The following AFF1 variants were observed in gnomAD, a reference collection of about 807,000 sequenced individuals.
AFF1 encodes ALF transcription elongation factor 1, also known as AF4/FMR2 family member 1.
AFF1 carries 48 observed loss-of-function variants against 121.7 expected under a neutral mutation model. The ratio of observed to expected loss-of-function variants is 0.39; its 90% CI spans 0.31 to 0.50. The LOEUF is 0.50. Ranked by LOEUF, AFF1 falls within the 20% of genes least tolerant of loss-of-function variation. The pLI is 0.76. For synonymous variants in AFF1, 613 were observed against 563.0 expected, an observed-to-expected ratio of 1.09 and a Z score of -1.26; for missense variants, 1,523 against 1,511.7, an observed-to-expected ratio of 1.01 and a Z score of -0.12.
Position 87,069,853 on chromosome 4 carries a change from C to G in AFF1, c.1060-14267C>G, listed in dbSNP as rs1425392224. 2.3e-4 allele frequency among the ~76,000 whole-genome samples: 31 copies of G among 136,606 alleles called. No homozygotes were observed. The Admixed American group carries it at 2.5e-3, about 11-fold the overall frequency. The allele number at this position is 136,606 out of a possible 152,430, so 89.6% of individuals were successfully genotyped here. Reference sequence around the variant, plus strand: ...TTTTTTTTTGAGACGGAGTCTCACTCTGTTGCCCAGGCTGGAGTATAGTGT... The same window carrying G: ...TTTTTTTTTGAGACGGAGTCTCACTGTGTTGCCCAGGCTGGAGTATAGTGT... On this transcript the variant is annotated intron_variant, in intron 4 of 20. Coordinates refer to ENST00000395146, the MANE Select transcript of AFF1 (RefSeq NM_001166693.3).
At chr4:87,035,079 C>T (rs1420730618) in intron 2 of AFF1, among the ~76,000 whole-genome samples, 1 of 152,058 alleles carries the variant, frequency 6.6e-6, no homozygotes, top group Non-Finnish European at 1.5e-5. Flanking sequence ...GCCTAGGTAT[C>T]CCAGAAATGG....
chr4:87,127,652 A>T lies in AFF1; in HGVS notation c.2913A>T (p.Ala971=), dbSNP rs373054568. ...TTTTCCTCTTTTTCAGACAACAAGC[A>T]GACCTTCACATGAGGGAGGCAAAAA... ...KPQVKFDKQQ[A]DLHMREAKKM... Residue 971 remains alanine, a synonymous_variant, in exon 16 of 21, where the codon GCA becomes GCT. Coordinates refer to ENST00000395146, the MANE Select transcript of AFF1 (RefSeq NM_001166693.3). 4.3e-5 allele frequency: 69 copies of T among 1,614,098 alleles called. No homozygotes were observed. The highest frequency in any genetic ancestry group is 5.6e-5 in the Non-Finnish European group (66 of 1,180,052).
intron 2 of AFF1, among the ~76,000 whole-genome samples, chr4:87,028,557 T>C (rs1046073352): frequency 3.9e-5 from 6 of 152,142 alleles, no homozygotes; most frequent in African/African-American, 1.4e-4. Context: ...TTGTGTGTGC[T>C]TGATAATACC....
rs1468227677 is a variant in AFF1 at position 87,140,858 on chromosome 4, T to A, written c.*5157T>A. ...CTGTGAGAGAATTATAGTTTTTTTT[T>A]AGAAGAAAAATCTGCAAAAGATCTT... On this transcript the variant is annotated 3_prime_UTR_variant, in exon 21 of 21. Transcript: ENST00000395146. 2 of 186,486 alleles carry A rather than the reference T, an allele frequency of 1.1e-5. No individual in the cohort carries two copies. The highest frequency in any genetic ancestry group is 6.2e-5 in the Admixed American group (1 of 16,104). The allele number at this position is 186,486 out of a possible 1,614,324, so 11.6% of individuals were successfully genotyped here.
intron 8 of AFF1, among the ~76,000 whole-genome samples, chr4:87,102,826 T>C (rs867905802): frequency 1.1e-4 from 16 of 152,228 alleles, no homozygotes; most frequent in African/African-American, 3.6e-4. Flanking sequence ...TCTCTTGTCA[T>C]GGGGACAGAG....
rs759628346 is a variant in AFF1 at position 87,131,219 on chromosome 4, A to T, written c.3101A>T (p.Lys1034Ile). 1 of 1,613,992 alleles carries T rather than the reference A, an allele frequency of 6.2e-7. No homozygotes were observed. ...TACTCAGAAACTGTAGATCTCATTA[A>T]GTAAGTGCCGAGTCATTGTGCTTTC... Reference protein sequence around the residue: ...SVYSETVDLIKFIMSLKSFSD... With the variant: ...SVYSETVDLIIFIMSLKSFSD... The change falls in exon 17 of 21, where the codon AAA (lysine) becomes ATA (isoleucine). Residue 1034 changes from lysine to isoleucine, a missense_variant and splice_region_variant. Physicochemically the swap from Lys to Ile is moderately radical, Grantham distance 102. Transcript: ENST00000395146.
chr4:87,073,134 G>A (rs1372222408), intron 4 of AFF1, among the ~76,000 whole-genome samples: 1 of 151,604 alleles, frequency 6.6e-6, no homozygotes. Context: ...CCTTAAATTA[G>A]GCACTTTTTG....
chr4:86,984,040 AAAAAAG>A (rs1282673360), intron 2 of AFF1, among the ~76,000 whole-genome samples: 1 of 152,214 alleles, frequency 6.6e-6, no homozygotes, highest in Non-Finnish European at 1.5e-5. Flanking sequence ...CCATCTCAAA[AAAAAAG>A]AAAAAGAAAA....
intron 2 of AFF1, among the ~76,000 whole-genome samples, chr4:87,032,104 T>G (rs1729138355): frequency 6.6e-6 from 1 of 152,088 alleles, no homozygotes; most frequent in Non-Finnish European, 1.5e-5. Flanking sequence ...TTAGCAGAGG[T>G]CAAATGAAGG....
At chr4:86,940,629 A>T (rs937893521) in intron 1 of AFF1, among the ~76,000 whole-genome samples, 6 of 151,998 alleles carry the variant, frequency 3.9e-5, no homozygotes, top group Non-Finnish European at 8.8e-5. Flanking sequence ...TGAACTCCTG[A>T]CCTCAGATGA....
chr4:87,062,829 A>T (rs1370423389), intron 4 of AFF1, among the ~76,000 whole-genome samples: 1 of 152,128 alleles, frequency 6.6e-6, no homozygotes, highest in East Asian at 1.9e-4. Flanking sequence ...TATTCATTGG[A>T]TGGTAAAGAC....
chr4:87,038,461 A>G (rs892909728), intron 2 of AFF1, among the ~76,000 whole-genome samples: 103 of 152,316 alleles, frequency 6.8e-4, no homozygotes, highest in African/African-American at 2.3e-3. Flanking sequence ...CCAATGTGTG[A>G]AAAATGTTTC....
At chr4:87,042,927 T>C (rs904602122) in intron 2 of AFF1, among the ~76,000 whole-genome samples, 1 of 152,262 alleles carries the variant, frequency 6.6e-6, no homozygotes, top group Non-Finnish European at 1.5e-5. Flanking sequence ...GAAATAAGGC[T>C]AATACAAGGC....
intron 4 of AFF1, among the ~76,000 whole-genome samples, chr4:87,065,832 C>T (rs1448990100): frequency 6.6e-6 from 1 of 152,196 alleles, no homozygotes; most frequent in African/African-American, 2.4e-5. Context: ...AACCTCTCTG[C>T]CCCTTAATAA....
intron 2 of AFF1, among the ~76,000 whole-genome samples, chr4:86,988,459 CTG>C (rs1391019907): frequency 6.6e-6 from 1 of 151,860 alleles, no homozygotes; most frequent in African/African-American, 2.4e-5. Flanking sequence ...GACTGTGAAA[CTG>C]TACCTAGGAA....
At chr4:86,938,045 A>G (rs570644485) in intron 1 of AFF1, among the ~76,000 whole-genome samples, 13 of 152,314 alleles carry the variant, frequency 8.5e-5, no homozygotes, top group East Asian at 1.9e-4. Context: ...AAGGAGTTCT[A>G]TGTTCAACTC....
At chr4:87,111,420 C>T (rs1726519203) in intron 11 of AFF1, among the ~76,000 whole-genome samples, 1 of 151,240 alleles carries the variant, frequency 6.6e-6, no homozygotes, top group Admixed American at 6.6e-5. Context: ...GTGGTGTGAT[C>T]TCGGCTCACT....
intron 2 of AFF1, among the ~76,000 whole-genome samples, chr4:87,000,641 G>GTGTGTGTGTGTGTGTGTGT (rs1725628904): frequency 6.7e-6 from 1 of 149,744 alleles, no homozygotes; most frequent in African/African-American, 2.5e-5. Context: ...GTGTGTGTGT[G>GTGTGTGTGTGTGTGTGTGT]GCAGAGGAAG....
chr4:87,011,092 A>G (rs927106103), intron 2 of AFF1, among the ~76,000 whole-genome samples: 5 of 149,752 alleles, frequency 3.3e-5, no homozygotes, highest in African/African-American at 7.6e-5. Flanking sequence ...AAAAAAAAAA[A>G]AAAAAGAAAA....
Sources: allele counts gnomAD v4.1 joint callset (sites outside exome capture counted in the v4.1 genomes callset), GRCh38; gene constraint gnomAD v4.1.1; transcripts MANE v1.5; gene names NCBI Gene and HGNC (gene_info 2026-07-23, HGNC 2026-07-21).